GTF3C1: variants seen among roughly 807,000 people sequenced by gnomAD.
GTF3C1 encodes the protein general transcription factor 3C polypeptide 1.
A neutral mutation model predicts 226.7 loss-of-function variants in GTF3C1; 57 were observed. The ratio of observed to expected loss-of-function variants is 0.25; its 90% CI spans 0.20 to 0.31. The LOEUF is 0.31. Ranked by LOEUF, GTF3C1 falls within the 10% of genes least tolerant of loss-of-function variation. GTF3C1 has a pLI of 1.00. For missense variants in GTF3C1, 2,217 were observed against 2,776.1 expected (o/e 0.80, Z 4.53); for synonymous variants, 1,090 against 1,084.8 (o/e 1.00, Z -0.09).
At position 27,504,184 on chromosome 16, in the gene GTF3C1, G is replaced by A. The variant is rs188905273; in HGVS notation, c.1771-1189C>T. Among the ~76,000 whole-genome samples, 112 of 152,326 alleles carry A rather than the reference G, an allele frequency of 7.4e-4. 1 individual carries two copies. The highest frequency in any genetic ancestry group is 2.5e-3 in the African/African-American group (102 of 41,580). ...GTGCCATTCTTCTCAGCAAGGATGC[G>A]GGGAGGACCATGGTGCTGCCATTAC... On this transcript the variant is annotated intron_variant, in intron 10 of 36. Transcript: ENST00000356183.
intron 4 of GTF3C1, among the ~76,000 whole-genome samples, chr16:27,536,363 C>T (rs1235042921): frequency 1.3e-5 from 2 of 152,100 alleles, no homozygotes; most frequent in South Asian, 2.1e-4. Flanking sequence ...GAGGCCAAGG[C>T]GGGTGGATCA....
intron 32 of GTF3C1, among the ~76,000 whole-genome samples, chr16:27,467,785 A>T (rs1023427632): frequency 1.3e-5 from 2 of 152,098 alleles, no homozygotes. Context: ...TAGGAGAATC[A>T]CTTGAACCTG....
chr16:27,464,529 A>G lies in GTF3C1; in HGVS notation c.5663T>C (p.Leu1888Pro). ...TQMTPAKRPALQDSNLAPSLG... is the reference protein window; with the variant it reads ...TQMTPAKRPAPQDSNLAPSLG... ...GCTGGGGGCCAAATTTGAGTCCTGG[A>G]GCGCTGGCCTCTTGGCAGGGGTCAT... The change falls in exon 34 of 37, where the codon CTC (leucine) becomes CCC (proline). Residue 1888 changes from leucine to proline, a missense_variant. By Grantham distance (98) the Leu-to-Pro change is moderately conservative. Around this residue, in one of 12 missense-constraint regions of GTF3C1, gnomAD observed 455 missense variants for 441.9 expected, o/e 1.03. Transcript: ENST00000356183. The G allele has an allele frequency of 6.6e-7, 1 of 1,513,484 alleles. No individual in the cohort carries two copies. The allele number at this position is 1,513,484 out of a possible 1,614,324, so 93.8% of individuals were successfully genotyped here. A position where few individuals can be genotyped will look rare whatever the true frequency, so the allele number is the denominator to read the frequency against.
intron 12 of GTF3C1, among the ~76,000 whole-genome samples, chr16:27,499,077 C>A (rs895886249): frequency 6.6e-6 from 1 of 152,208 alleles, no homozygotes; most frequent in South Asian, 2.1e-4. Context: ...CTGCTCCGTG[C>A]CCCCTTCCCA....
At chr16:27,522,809 ACTT>A (rs2088769792) in intron 6 of GTF3C1, among the ~76,000 whole-genome samples, 1 of 152,122 alleles carries the variant, frequency 6.6e-6, no homozygotes, top group African/African-American at 2.4e-5. Context: ...TATGTTTTGT[ACTT>A]CTTTTGTTAA....
chr16:27,478,727 C>T lies in GTF3C1; in HGVS notation c.4197-196G>A, dbSNP rs1212783929. On this transcript the variant is annotated intron_variant, in intron 27 of 36. Transcript: ENST00000356183. ...GTCCTGCCTGTTATAAAAAGGAGGGCTGAGAAAATGTGCAATGTTCACTCA... is the reference window on the plus strand; with the variant it reads ...GTCCTGCCTGTTATAAAAAGGAGGGTTGAGAAAATGTGCAATGTTCACTCA... 4 of 589,302 alleles carry T rather than the reference C, an allele frequency of 6.8e-6. No individual in the cohort carries two copies. In the East Asian group the frequency reaches 1.1e-4, roughly 17 times the overall value. The allele number at this position is 589,302 out of a possible 1,614,324, so 36.5% of individuals were successfully genotyped here. A position where few individuals can be genotyped will look rare whatever the true frequency, so the allele number is the denominator to read the frequency against.
chr16:27,536,195 C>T (rs2141451700), intron 4 of GTF3C1, among the ~76,000 whole-genome samples: 1 of 152,300 alleles, frequency 6.6e-6, no homozygotes, highest in Non-Finnish European at 1.5e-5. Flanking sequence ...AATACAAGAA[C>T]AGGCTATAAC....
Position 27,471,107 on chromosome 16 carries a change from C to G in GTF3C1, c.4526+641G>C, listed in dbSNP as rs559509479. On this transcript the variant is annotated intron_variant, in intron 30 of 36. Coordinates refer to ENST00000356183, the MANE Select transcript of GTF3C1 (RefSeq NM_001520.4). This position sits in a 1 kb window ranked among gnomAD's most constrained non-coding sequence, Gnocchi z 5.0. ...GGGATCAAAGAACCAAAAGAAGATTCATGGTGCTGTCTCTGAGCATCTGAC... is the reference window on the plus strand; with the variant it reads ...GGGATCAAAGAACCAAAAGAAGATTGATGGTGCTGTCTCTGAGCATCTGAC... Among the ~76,000 whole-genome samples, 23 of 152,212 alleles carry G rather than the reference C, an allele frequency of 1.5e-4. No individual in the cohort carries two copies. The highest frequency in any genetic ancestry group is 2.6e-4 in the Non-Finnish European group (18 of 68,040).
In GTF3C1 at chr16:27,480,827, G is replaced by C. The variant is rs1447075832; in HGVS notation, c.4196+252C>G. ...CTCAAAGGTAAAGTAAGCAAACCTA[G>C]CAAAAAGTACACCAACCAAACAAGG... On this transcript the variant is annotated intron_variant, in intron 27 of 36. Transcript: ENST00000356183. The C allele has an allele frequency of 2.4e-5, 11 of 460,486 alleles. No homozygotes were observed. The Middle Eastern group carries it at 2.9e-3, about 119-fold the overall frequency. The allele number at this position is 460,486 out of a possible 1,614,324, so 28.5% of individuals were successfully genotyped here.
At chr16:27,478,948 C>G (rs577133578) in intron 27 of GTF3C1, among the ~76,000 whole-genome samples, 1 of 150,852 alleles carries the variant, frequency 6.6e-6, no homozygotes. Flanking sequence ...TTCCCAGAGG[C>G]TGGGAAGTGG....
Position 27,461,087 on chromosome 16 carries a change from A to T in GTF3C1, c.*263T>A. Reference sequence around the variant, plus strand: ...AAACTCTGGAGACCCAGAGACAAGAAGCACCAACTCCCAGTGTGATGAGGC... The same window carrying T: ...AAACTCTGGAGACCCAGAGACAAGATGCACCAACTCCCAGTGTGATGAGGC... On this transcript the variant is annotated 3_prime_UTR_variant, in exon 37 of 37. Transcript: ENST00000356183. The surrounding 1 kb of genome is among the most constrained non-coding windows in gnomAD (Gnocchi z 5.3). The T allele has an allele frequency of 2.4e-6, 1 of 409,072 alleles. No individual in the cohort carries two copies. Among genetic ancestry groups the T allele is most frequent in the Non-Finnish European group, 4.4e-6 (1 of 225,488 alleles). The allele number at this position is 409,072 out of a possible 1,614,324, so 25.3% of individuals were successfully genotyped here. A position where few individuals can be genotyped will look rare whatever the true frequency, so the allele number is the denominator to read the frequency against.
chr16:27,467,075 A>G (rs2087796200), intron 32 of GTF3C1, among the ~76,000 whole-genome samples: 1 of 152,240 alleles, frequency 6.6e-6, no homozygotes, highest in African/African-American at 2.4e-5. Context: ...ATGAAGGTGG[A>G]TACACTAAAC....
intron 6 of GTF3C1, among the ~76,000 whole-genome samples, chr16:27,520,125 T>G (rs2141425280): frequency 6.6e-6 from 1 of 152,170 alleles, no homozygotes; most frequent in Non-Finnish European, 1.5e-5. Flanking sequence ...TGGTTTGGTT[T>G]TGTTTTGTTG....
intron 32 of GTF3C1, among the ~76,000 whole-genome samples, chr16:27,467,660 A>G (rs901910305): frequency 2.6e-5 from 4 of 152,120 alleles, no homozygotes; most frequent in Non-Finnish European, 5.9e-5. Flanking sequence ...ACCTGAGGGC[A>G]GGAGTTCAAG....
Position 27,483,113 on chromosome 16 carries a change from G to T in GTF3C1, c.4014C>A (p.Ala1338=), listed in dbSNP as rs148970158. 4.2e-5 allele frequency: 67 copies of T among 1,613,940 alleles called. No homozygotes were observed. Among genetic ancestry groups the T allele is most frequent in the Non-Finnish European group, 5.5e-5 (65 of 1,179,966 alleles). The change falls in exon 26 of 37, where the codon GCC becomes GCA. Residue 1338 remains alanine (A), a synonymous_variant. Transcript: ENST00000356183. ...CAAGTGCTTTATCCTGGTACACCTC[G>T]GCCAGGCACACTCTGCAGGAAGAGG... ...QAYLNYKVCL[A]EVYQDKALVG...
chr16:27,481,346 A>C (rs1182050034), intron 26 of GTF3C1, among the ~76,000 whole-genome samples, 155 bp from the exon 27 acceptor site: 1 of 151,910 alleles, frequency 6.6e-6, no homozygotes, highest in Non-Finnish European at 1.5e-5. Context: ...GTCATCTGTC[A>C]CCTGTCATCT....
intron 14 of GTF3C1, among the ~76,000 whole-genome samples, chr16:27,495,846 G>C (rs1458774209): frequency 6.6e-6 from 1 of 152,204 alleles, no homozygotes; most frequent in Non-Finnish European, 1.5e-5. Context: ...AAATGCAAGG[G>C]GCCTGAGGTG....
chr16:27,497,583 C>T (rs942203801), intron 14 of GTF3C1, 54 bp downstream of exon 14: 43 of 1,454,352 alleles, frequency 3.0e-5, no homozygotes, highest in Non-Finnish European at 3.9e-5. Flanking sequence ...CAAACATTGT[C>T]ATACAAACAA....
intron 5 of GTF3C1, 68 bp from the exon 6 acceptor site, chr16:27,528,789 A>T: frequency 7.1e-7 from 1 of 1,409,288 alleles, no homozygotes; most frequent in Non-Finnish European, 1.0e-6. Context: ...AGAAAGTCAT[A>T]TAAATGAACA....
Sources: allele counts gnomAD v4.1 joint callset (sites outside exome capture counted in the v4.1 genomes callset), GRCh38; gene constraint gnomAD v4.1.1; regional missense constraint gnomAD v4.1.1; non-coding constraint Gnocchi (gnomAD v3.1); transcripts MANE v1.5; gene names NCBI Gene and HGNC (gene_info 2026-07-23, HGNC 2026-07-21).